Variants in PLEKHH1 observed in about 807,000 individuals in gnomAD.
PLEKHH1 encodes the protein pleckstrin homology, MyTH4 and FERM domain containing H1.
PLEKHH1 carries 104 observed loss-of-function variants against 160.0 expected under a neutral mutation model. The observed-to-expected ratio is 0.65, with a 90% CI of 0.55 to 0.76. The LOEUF (loss-of-function observed/expected upper bound fraction) is 0.76, where lower values mean the gene tolerates loss of function less well. PLEKHH1 is among the 30% of genes least tolerant of loss of function. The pLI is 0.00. For synonymous variants in PLEKHH1, 619 were observed against 678.4 expected, an observed-to-expected ratio of 0.91 and a Z score of 1.36; for missense variants, 1,427 against 1,724.1, an observed-to-expected ratio of 0.83 and a Z score of 3.05.
chr14:67,538,423 T>C (rs779620005), intron 1 of PLEKHH1, among the ~76,000 whole-genome samples: 8 of 152,210 alleles, frequency 5.3e-5, no homozygotes, highest in Non-Finnish European at 1.2e-4. Flanking sequence ...AAGAGAGAAA[T>C]AACACATGCG....
At chr14:67,546,967 C>T (rs1056107024) in intron 2 of PLEKHH1, among the ~76,000 whole-genome samples, 35 of 152,104 alleles carry the variant, frequency 2.3e-4, no homozygotes, top group African/African-American at 8.5e-4. Flanking sequence ...CAGGGGCCAA[C>T]AGAGTGACTG....
Position 67,579,324 on chromosome 14 carries a change from G to A in PLEKHH1, c.3027+13G>A. ...CGGGACTTACCATGTGAGGAGCTGG[G>A]CGTGCTCTTTGCCCCGAGTCTTCTC... On this transcript the variant is annotated intron_variant, in intron 21 of 28. Coordinates refer to ENST00000329153, the MANE Select transcript of PLEKHH1 (RefSeq NM_020715.3). 6.7e-7 allele frequency: 1 copy of A among 1,488,640 alleles called. No homozygotes were observed. Among genetic ancestry groups the A allele is most frequent in the African/African-American group, 1.4e-5 (1 of 71,240 alleles). The allele number at this position is 1,488,640 out of a possible 1,614,324, so 92.2% of individuals were successfully genotyped here.
chr14:67,568,710 G>C (rs1317624252), intron 7 of PLEKHH1, among the ~76,000 whole-genome samples: 2 of 152,124 alleles, frequency 1.3e-5, no homozygotes, highest in African/African-American at 2.4e-5. Context: ...GGCCGCAGTG[G>C]CTTCCTCATT....
At chr14:67,539,713 A>G (rs1373799452) in intron 1 of PLEKHH1, among the ~76,000 whole-genome samples, 1 of 152,212 alleles carries the variant, frequency 6.6e-6, no homozygotes, top group Non-Finnish European at 1.5e-5. Context: ...CAGAGTGGCA[A>G]TGAACAAGGA....
At position 67,575,436 on chromosome 14, in the gene PLEKHH1, G is replaced by A. The variant is rs1310829937; in HGVS notation, c.2133G>A (p.Gly711=). ...HSKVVWCALV[G]KIFYYYRSHE... ...AGGTGGTCTGGTGCGCTCTTGTTGG[G>A]AAAATCTTCTACTACTATCGGAGCC... The change falls in exon 15 of 29, where the codon GGG becomes GGA. Residue 711 remains glycine, a synonymous_variant. Transcript: ENST00000329153. 6.2e-7 allele frequency: 1 copy of A among 1,609,886 alleles called. No individual in the cohort carries two copies. Among genetic ancestry groups the A allele is most frequent in the East Asian group, 2.2e-5 (1 of 44,826 alleles).
rs1338590397 is a variant in PLEKHH1 at position 67,582,029 on chromosome 14, A to G, written c.3285-40A>G. The G allele has an allele frequency of 3.2e-6, 5 of 1,582,442 alleles. No homozygotes were observed. Among genetic ancestry groups the G allele is most frequent in the African/African-American group, 1.3e-5 (1 of 74,260 alleles). ...AGAGAAAGCCCCATCCCTGTTTGGA[A>G]TCCCTGCTGAGTCCTGGTTTCTTAT... is the stretch of plus-strand genomic sequence containing the variant. On this transcript the variant is annotated intron_variant, in intron 23 of 28. Transcript: ENST00000329153. The surrounding 1 kb of genome is among the most constrained non-coding windows in gnomAD (Gnocchi z 5.0).
chr14:67,561,293 G>A (rs1041563912), intron 5 of PLEKHH1, among the ~76,000 whole-genome samples: 19 of 152,332 alleles, frequency 1.2e-4, no homozygotes, highest in African/African-American at 4.6e-4. Context: ...CACACCTGTA[G>A]TCCCAGCAGC....
chr14:67,562,633 GC>G lies in PLEKHH1; in HGVS notation c.1006del (p.Gln336ArgfsTer11). On this transcript the variant is annotated frameshift_variant, in exon 7 of 29. Coordinates refer to ENST00000329153, the MANE Select transcript of PLEKHH1 (RefSeq NM_020715.3). LOFTEE classifies it high-confidence loss of function. ...AGTTGGCCAAAAGGCACCACAGCCA[GC>G]CCCAGGTGGGCCATGGGCACTTTGG... ...IQLAKRHHSQ[P>X]QVGHGHFGRV... 6.2e-7 allele frequency: 1 copy of G among 1,613,004 alleles called. No individual in the cohort carries two copies. Among genetic ancestry groups the G allele is most frequent in the Non-Finnish European group, 8.5e-7 (1 of 1,179,530 alleles).
intron 2 of PLEKHH1, among the ~76,000 whole-genome samples, chr14:67,548,228 C>T (rs563961955): frequency 6.6e-6 from 1 of 152,184 alleles, no homozygotes; most frequent in African/African-American, 2.4e-5. Context: ...TTCATTCTTG[C>T]TAAACCTGTT....
chr14:67,569,654 C>G (rs1316219439), intron 8 of PLEKHH1: 2 of 516,804 alleles, frequency 3.9e-6, no homozygotes, highest in African/African-American at 1.9e-5. Context: ...ACATCTGCAA[C>G]AGTGGAACAC....
In PLEKHH1 at chr14:67,574,486, T is replaced by C. The variant is rs2035535859; in HGVS notation, c.2088+83T>C. On this transcript the variant is annotated intron_variant, in intron 14 of 28. Transcript: ENST00000329153. The surrounding 1 kb of genome is among the most constrained non-coding windows in gnomAD (Gnocchi z 4.2). ...GGATTGGGGTGCCGAGGGTGGTGGG[T>C]TCCCCCTTATACGGGGCTCCTTTCT... 7 of 1,159,710 alleles carry C rather than the reference T, an allele frequency of 6.0e-6. No homozygotes were observed. The highest frequency in any genetic ancestry group is 2.8e-5 in the East Asian group (1 of 36,210). The allele number at this position is 1,159,710 out of a possible 1,614,324, so 71.8% of individuals were successfully genotyped here. A position where few individuals can be genotyped will look rare whatever the true frequency, so the allele number is the denominator to read the frequency against.
intron 1 of PLEKHH1, among the ~76,000 whole-genome samples, chr14:67,537,921 C>A (rs1393457465): frequency 6.6e-6 from 1 of 152,164 alleles, no homozygotes; most frequent in African/African-American, 2.4e-5. Flanking sequence ...AAGCAGGTAT[C>A]AAGACTATGG....
At chr14:67,581,192 C>T (rs1026978295) in intron 23 of PLEKHH1, among the ~76,000 whole-genome samples, 154 bp downstream of exon 23, 9 of 152,066 alleles carry the variant, frequency 5.9e-5, no homozygotes, top group African/African-American at 1.9e-4. Flanking sequence ...CAGGCGGGCT[C>T]TGCTGCTGAT....
intron 23 of PLEKHH1, among the ~76,000 whole-genome samples, chr14:67,581,244 TC>T (rs1348064770): frequency 1.3e-5 from 2 of 150,590 alleles, no homozygotes; most frequent in Admixed American, 1.3e-4. Flanking sequence ...CTGTCAGCCT[TC>T]CCTATACTGC....
Position 67,573,382 on chromosome 14 carries a change from C to A in PLEKHH1, c.1835C>A (p.Ser612Tyr), listed in dbSNP as rs201101468. 1 of 1,585,240 alleles carries A rather than the reference C, an allele frequency of 6.3e-7. No homozygotes were observed. ...LRQGQIMYYK[S>Y]PSDVIRKPQG... is the part of the protein sequence containing the mutation. Reference sequence around the variant, plus strand: ...CAGGGACAGATTATGTACTACAAGTCCCCGGTGAGAGTCTCCCCGCCCAGC... The same window carrying A: ...CAGGGACAGATTATGTACTACAAGTACCCGGTGAGAGTCTCCCCGCCCAGC... The change falls in exon 12 of 29, where the codon TCC becomes TAC. Residue 612 changes from serine (S) to tyrosine (Y), a missense_variant. Physicochemically the swap from Ser to Tyr is moderately radical, Grantham distance 144. Coordinates refer to ENST00000329153, the MANE Select transcript of PLEKHH1 (RefSeq NM_020715.3). This position sits in a 1 kb window ranked among gnomAD's most constrained non-coding sequence, Gnocchi z 4.8.
chr14:67,589,502 T>C lies in PLEKHH1; in HGVS notation c.*2267T>C. ...CATGACTGAAATACTATGATCTTGT[T>C]TGTCAATAAAAAGCAGCTATCTGTG... On this transcript the variant is annotated 3_prime_UTR_variant, in exon 29 of 29. Coordinates refer to ENST00000329153, the MANE Select transcript of PLEKHH1 (RefSeq NM_020715.3). 1 of 985,222 alleles carries C rather than the reference T, an allele frequency of 1.0e-6. No homozygotes were observed. Among genetic ancestry groups the C allele is most frequent in the Middle Eastern group, 5.2e-4 (1 of 1,914 alleles). 61.0% of individuals were successfully genotyped at this position (985,222 alleles called of 1,614,324 possible).
intron 9 of PLEKHH1, 88 bp downstream of exon 9, chr14:67,570,100 C>G (rs191264111): frequency 1.1e-6 from 1 of 932,020 alleles, no homozygotes; most frequent in Non-Finnish European, 1.7e-6. Context: ...GCTCTAGGGC[C>G]AGGCTTCTGC....
At chr14:67,559,789 C>G in intron 5 of PLEKHH1, 98 bp downstream of exon 5, 4 of 750,474 alleles carry the variant, frequency 5.3e-6, no homozygotes. Context: ...GGTGCCTCGG[C>G]TGACCTTCAT....
At position 67,582,322 on chromosome 14, in the gene PLEKHH1, G is replaced by A; in HGVS notation, c.3426+112G>A. On this transcript the variant is annotated intron_variant, in intron 24 of 28. Transcript: ENST00000329153. The surrounding 1 kb of genome is among the most constrained non-coding windows in gnomAD (Gnocchi z 5.0). ...CAGATCCTGTGGTGCTCAGGAGAGG[G>A]CAGCTTTGCCATCTCTGGGATGGAA... The A allele has an allele frequency of 6.4e-7, 1 of 1,555,266 alleles. No individual in the cohort carries two copies. Among genetic ancestry groups the A allele is most frequent in the Non-Finnish European group, 8.7e-7 (1 of 1,146,678 alleles).
Sources: allele counts gnomAD v4.1 joint callset (sites outside exome capture counted in the v4.1 genomes callset), GRCh38; gene constraint gnomAD v4.1.1; non-coding constraint Gnocchi (gnomAD v3.1); transcripts MANE v1.5; gene names NCBI Gene and HGNC (gene_info 2026-07-23, HGNC 2026-07-21).